The following ATP9B variants were observed in gnomAD, a reference collection of about 807,000 sequenced individuals.
The protein encoded by ATP9B is probable phospholipid-transporting ATPase IIB.
A neutral mutation model predicts 146.1 loss-of-function variants in ATP9B; 110 were observed. The ratio of observed to expected loss-of-function variants is 0.75; its 90% CI spans 0.65 to 0.88. The LOEUF (loss-of-function observed/expected upper bound fraction) is 0.88, where lower values mean the gene tolerates loss of function less well. ATP9B is among the 40% of genes least tolerant of loss of function. ATP9B has a pLI of 0.00. For missense variants in ATP9B, 1,499 were observed against 1,496.4 expected, an observed-to-expected ratio of 1.00 and a Z score of -0.03; for synonymous variants, 604 against 569.7, an observed-to-expected ratio of 1.06 and a Z score of -0.86.
chr18:79,204,074 T>C (rs896238921), intron 9 of ATP9B, among the ~76,000 whole-genome samples: 2 of 152,232 alleles, frequency 1.3e-5, no homozygotes, highest in African/African-American at 4.8e-5. Context: ...GTCATAGGGA[T>C]AACTCAGTTT....
Position 79,297,727 on chromosome 18 carries a change from A to C in ATP9B, c.1412-5877A>C, listed in dbSNP as rs535586078. ...ATTATATTATGTTTAGTTTAAGGAG[A>C]TAAAACAGCTACTCAGGGACTTAGG... On this transcript the variant is annotated intron_variant, in intron 13 of 29. Coordinates refer to ENST00000426216, the MANE Select transcript of ATP9B (RefSeq NM_198531.5). Among the ~76,000 whole-genome samples the C allele has an allele frequency of 4.6e-5, 7 of 152,348 alleles. 1 individual carries two copies. Among genetic ancestry groups the C allele is most frequent in the African/African-American group, 1.7e-4 (7 of 41,578 alleles).
chr18:79,156,056 C>G (rs1167979372), intron 7 of ATP9B, among the ~76,000 whole-genome samples: 2 of 152,064 alleles, frequency 1.3e-5, no homozygotes, highest in African/African-American at 4.8e-5. Context: ...GTCACTGCAC[C>G]CGGCCAAATG....
intron 15 of ATP9B, among the ~76,000 whole-genome samples, chr18:79,311,883 G>A (rs1002164616): frequency 2.0e-5 from 3 of 152,180 alleles, no homozygotes; most frequent in Non-Finnish European, 4.4e-5. Flanking sequence ...CACCATCACC[G>A]GAGCTTCTGT....
intron 17 of ATP9B, among the ~76,000 whole-genome samples, chr18:79,336,316 G>T (rs1193739599): frequency 6.6e-6 from 1 of 152,254 alleles, no homozygotes; most frequent in Non-Finnish European, 1.5e-5. Context: ...AAAAGCCCGT[G>T]CTGTGGTAAA....
At position 79,307,274 on chromosome 18, in the gene ATP9B, A is replaced by C. The variant is rs553115372; in HGVS notation, c.1773+40A>C. 101 of 1,612,358 alleles carry C rather than the reference A, an allele frequency of 6.3e-5. No individual in the cohort carries two copies. In the South Asian group the frequency reaches 1.1e-3, roughly 17 times the overall value. ...AAAACCGTGGGAGCTTGTCCGTTCC[A>C]TTTGGACTCCAGAGTCATGAGGATT... On this transcript the variant is annotated intron_variant, in intron 15 of 29. Coordinates refer to ENST00000426216, the MANE Select transcript of ATP9B (RefSeq NM_198531.5).
intron 17 of ATP9B, among the ~76,000 whole-genome samples, chr18:79,334,078 C>T (rs1260500159): frequency 6.6e-6 from 1 of 152,160 alleles, no homozygotes; most frequent in Non-Finnish European, 1.5e-5. Flanking sequence ...AACTGCTAGG[C>T]TGGGCGCGGT....
chr18:79,186,332 G>A (rs923634105), intron 8 of ATP9B, among the ~76,000 whole-genome samples: 6 of 152,058 alleles, frequency 3.9e-5, no homozygotes, highest in East Asian at 3.8e-4. Context: ...GCTTTCCTCC[G>A]TTATTGAAAA....
intron 7 of ATP9B, among the ~76,000 whole-genome samples, chr18:79,167,593 G>A (rs2094991434): frequency 6.6e-6 from 1 of 152,178 alleles, no homozygotes; most frequent in South Asian, 2.1e-4. Context: ...CCCACAGCTG[G>A]TAGTCCCAAT....
At chr18:79,164,556 A>C (rs770223396) in intron 7 of ATP9B, among the ~76,000 whole-genome samples, 9 of 152,056 alleles carry the variant, frequency 5.9e-5, no homozygotes, top group African/African-American at 7.2e-5. Context: ...TCTACTAAAA[A>C]TACAAAAAAA....
chr18:79,236,414 C>T (rs1482607957), intron 11 of ATP9B, among the ~76,000 whole-genome samples: 2 of 152,068 alleles, frequency 1.3e-5, no homozygotes, highest in Non-Finnish European at 2.9e-5. Flanking sequence ...GTTGCCTTCT[C>T]ACTTTGTTCA....
chr18:79,377,515 C>T lies in ATP9B; in HGVS notation c.*132C>T, dbSNP rs2097108945. On this transcript the variant is annotated 3_prime_UTR_variant, in exon 30 of 30. Transcript: ENST00000426216. Reference sequence around the variant, plus strand: ...CACAAGAAAGGGAGGGTACGCCAGGCGAGCCCAGGGCACAGATGCTGAGAC... The same window carrying T: ...CACAAGAAAGGGAGGGTACGCCAGGTGAGCCCAGGGCACAGATGCTGAGAC... 1.2e-5 allele frequency: 15 copies of T among 1,222,688 alleles called. No individual in the cohort carries two copies. The highest frequency in any genetic ancestry group is 3.0e-5 in the African/African-American group (2 of 66,372). 75.7% of individuals were successfully genotyped at this position (1,222,688 alleles called of 1,614,324 possible).
intron 15 of ATP9B, among the ~76,000 whole-genome samples, chr18:79,326,808 G>A (rs1248166512): frequency 6.6e-6 from 1 of 152,212 alleles, no homozygotes; most frequent in Non-Finnish European, 1.5e-5. Flanking sequence ...CATGTCTGGA[G>A]GGCTCCTGTG....
rs112787534 is a variant in ATP9B at position 79,320,637 on chromosome 18, A to G, written c.1774-8504A>G. Among the ~76,000 whole-genome samples the G allele has an allele frequency of 5.9e-3, 899 of 152,302 alleles. 10 individuals carry two copies. Among genetic ancestry groups the G allele is most frequent in the Non-Finnish European group, 9.5e-3 (649 of 68,042 alleles). On this transcript the variant is annotated intron_variant, in intron 15 of 29. Coordinates refer to ENST00000426216, the MANE Select transcript of ATP9B (RefSeq NM_198531.5). ...GATTCTGAAGTTGGGAGTTGAAATG[A>G]CAGGTTGTCTTTACTGGATCTGCAT...
chr18:79,159,147 G>A (rs1221464429), intron 7 of ATP9B, among the ~76,000 whole-genome samples: 2 of 152,142 alleles, frequency 1.3e-5, no homozygotes, highest in Non-Finnish European at 2.9e-5. Flanking sequence ...TGAACACGAA[G>A]TGTGTGTCTT....
At chr18:79,315,403 A>G (rs932453852) in intron 15 of ATP9B, among the ~76,000 whole-genome samples, 1 of 152,234 alleles carries the variant, frequency 6.6e-6, no homozygotes, top group Non-Finnish European at 1.5e-5. Flanking sequence ...ATCTGTGAAT[A>G]TTGATTAGCA....
chr18:79,191,258 AT>A (rs974296593), intron 8 of ATP9B, among the ~76,000 whole-genome samples: 2 of 150,702 alleles, frequency 1.3e-5, no homozygotes, highest in Admixed American at 1.3e-4. Context: ...TATTTTTGAG[AT>A]TTTTTTTATT....
chr18:79,260,781 G>C (rs2096132521), intron 12 of ATP9B, among the ~76,000 whole-genome samples: 1 of 152,196 alleles, frequency 6.6e-6, no homozygotes, highest in Admixed American at 6.5e-5. Flanking sequence ...CAGTGCAGAG[G>C]CCATGGAGCT....
intron 5 of ATP9B, among the ~76,000 whole-genome samples, chr18:79,143,111 A>G (rs573637199): frequency 6.6e-6 from 1 of 152,298 alleles, no homozygotes; most frequent in African/African-American, 2.4e-5. Context: ...GACAGACAGA[A>G]AGGGAGGAAG....
At chr18:79,159,717 C>A (rs1339989818) in intron 7 of ATP9B, among the ~76,000 whole-genome samples, 1 of 152,204 alleles carries the variant, frequency 6.6e-6, no homozygotes, top group African/African-American at 2.4e-5. Flanking sequence ...ACCTATCTAG[C>A]TACCATCCCG....
Sources: allele counts gnomAD v4.1 joint callset (sites outside exome capture counted in the v4.1 genomes callset), GRCh38; gene constraint gnomAD v4.1.1; transcripts MANE v1.5; gene names NCBI Gene and HGNC (gene_info 2026-07-23, HGNC 2026-07-21).